Variants in SHROOM3 observed in about 807,000 individuals in gnomAD.
SHROOM3 encodes protein Shroom3.
A neutral mutation model predicts 138.6 loss-of-function variants in SHROOM3; 47 were observed. The observed-to-expected ratio is 0.34, with a 90% CI of 0.27 to 0.43. The LOEUF (loss-of-function observed/expected upper bound fraction) is 0.43, where lower values mean the gene tolerates loss of function less well. Ranked by LOEUF, SHROOM3 falls within the 20% of genes least tolerant of loss-of-function variation. SHROOM3 has a pLI of 1.00. For synonymous variants in SHROOM3, 1,062 were observed against 1,063.3 expected, an observed-to-expected ratio of 1.00 and a Z score of 0.02; for missense variants, 2,491 against 2,596.5, an observed-to-expected ratio of 0.96 and a Z score of 0.88.
At position 76,743,706 on chromosome 4, in the gene SHROOM3, TTC is replaced by T. The variant is rs201201502; in HGVS notation, c.3753+1782_3753+1783del. Among the ~76,000 whole-genome samples, 165 of 152,336 alleles carry T rather than the reference TTC, an allele frequency of 1.1e-3. 3 individuals are homozygous for T. The East Asian group carries it at 0.023, about 21-fold the overall frequency. On this transcript the variant is annotated intron_variant, in intron 5 of 10. Coordinates refer to ENST00000296043, the MANE Select transcript of SHROOM3 (RefSeq NM_020859.4). ...AAAATACCGTCCCCTCCCAGATGTTTTCTGTTTAGAATTGTACAGAAATATTT... is the reference window on the plus strand; with the variant it reads ...AAAATACCGTCCCCTCCCAGATGTTTTGTTTAGAATTGTACAGAAATATTT...
intron 1 of SHROOM3, among the ~76,000 whole-genome samples, chr4:76,450,233 A>T (rs1472067532): frequency 6.6e-6 from 1 of 152,208 alleles, no homozygotes; most frequent in Non-Finnish European, 1.5e-5. Flanking sequence ...GGTTTGTCCT[A>T]TTATGCTGTC....
At chr4:76,733,240 G>T (rs565816509) in intron 4 of SHROOM3, among the ~76,000 whole-genome samples, 17 of 152,278 alleles carry the variant, frequency 1.1e-4, no homozygotes, top group African/African-American at 4.1e-4. Context: ...GGGGAATGGG[G>T]CCGTCAGCAC....
Position 76,772,103 on chromosome 4 carries a change from CTTTTTTTT to C in SHROOM3, c.5622+1216_5622+1223del, listed in dbSNP as rs35590411. ...CTATGCTACCATCTTTTTTCTTTTT[CTTTTTTTT>C]TTTTTTTTTTGAGACAGAGTCTCAC... is the stretch of plus-strand genomic sequence containing the variant. On this transcript the variant is annotated intron_variant, in intron 10 of 10. Coordinates refer to ENST00000296043, the MANE Select transcript of SHROOM3 (RefSeq NM_020859.4). 2.4e-3 allele frequency among the ~76,000 whole-genome samples: 306 copies of C among 125,140 alleles called. 3 individuals carry two copies. The highest frequency in any genetic ancestry group is 8.9e-3 in the African/African-American group (287 of 32,282). The allele number at this position is 125,140 out of a possible 152,430, so 82.1% of individuals were successfully genotyped here.
intron 8 of SHROOM3, 31 bp from the exon 9 acceptor site, chr4:76,759,514 G>A (rs767227216): frequency 5.0e-6 from 8 of 1,613,642 alleles, no homozygotes; most frequent in Middle Eastern, 1.7e-4. Context: ...CGTGATCTGT[G>A]TGGCTATACT....
Position 76,739,451 on chromosome 4 carries a change from A to G in SHROOM3, c.1278A>G (p.Pro426=), listed in dbSNP as rs752580613. The change falls in exon 5 of 11, where the codon CCA becomes CCG. Residue 426 remains proline, a synonymous_variant. Transcript: ENST00000296043. ...ACTCTTTAGGCTCCCTGAAGTCTCC[A>G]TTCATAGAGGAGCAGCTGCATACTG... ...QANSLGSLKS[P]FIEEQLHTVL... is the part of the protein sequence containing the mutation. 1.2e-6 allele frequency: 2 copies of G among 1,614,118 alleles called. No individual in the cohort carries two copies. Among genetic ancestry groups the G allele is most frequent in the Non-Finnish European group, 8.5e-7 (1 of 1,180,020 alleles).
At chr4:76,766,202 A>G (rs1338964954) in intron 9 of SHROOM3, among the ~76,000 whole-genome samples, 1 of 152,258 alleles carries the variant, frequency 6.6e-6, no homozygotes, top group Non-Finnish European at 1.5e-5. Flanking sequence ...ATTGAATAGT[A>G]AAACACTTAA....
In SHROOM3 at chr4:76,651,401, A is replaced by ATATATATAT. The variant is rs1735955382; in HGVS notation, c.324-58755_324-58754insTATATATAT. Among the ~76,000 whole-genome samples the ATATATATAT allele has an allele frequency of 4.0e-4, 35 of 86,752 alleles. 2 individuals are homozygous for ATATATATAT. The highest frequency in any genetic ancestry group is 7.5e-4 in the Non-Finnish European group (31 of 41,170). 56.9% of individuals were successfully genotyped at this position (86,752 alleles called of 152,430 possible). ...ATTAACACATCTCATGTAACCCATA[A>ATATATATAT]ATATATATATATATATATATATATA... On this transcript the variant is annotated intron_variant, in intron 2 of 10. Coordinates refer to ENST00000296043, the MANE Select transcript of SHROOM3 (RefSeq NM_020859.4).
chr4:76,739,657 T>C lies in SHROOM3; in HGVS notation c.1484T>C (p.Leu495Pro). 6.2e-7 allele frequency: 1 copy of C among 1,614,152 alleles called. No homozygotes were observed. Among genetic ancestry groups the C allele is most frequent in the Non-Finnish European group, 8.5e-7 (1 of 1,180,038 alleles). The change falls in exon 5 of 11, where the codon CTG (leucine) becomes CCG (proline). Residue 495 changes from leucine to proline, a missense_variant. Leu to Pro is a moderately conservative substitution (Grantham distance 98). This residue lies in a region of SHROOM3 where 1,733 missense variants were observed against 1,661.6 expected (regional missense o/e 1.04). Coordinates refer to ENST00000296043, the MANE Select transcript of SHROOM3 (RefSeq NM_020859.4). ...AGCAACGGTATGCTCTACCCTGCAC[T>C]GGCCAAGGAGAGTGGATACATAGCC... ...VSSNGMLYPA[L>P]AKESGYIAPQ...
Position 76,740,911 on chromosome 4 carries a change from C to A in SHROOM3, c.2738C>A (p.Ser913Ter). 1 of 1,503,450 alleles carries A rather than the reference C, an allele frequency of 6.7e-7. No individual in the cohort carries two copies. Among genetic ancestry groups the A allele is most frequent in the Non-Finnish European group, 8.9e-7 (1 of 1,129,420 alleles). 93.1% of individuals were successfully genotyped at this position (1,503,450 alleles called of 1,614,324 possible). ...CGGGACAGGCCCGGCTCGCCCGAAT[C>A]GCCCCTGCTGGATGCCCCCTTCAGC... ...EWRDRPGSPE[S>*]PLLDAPFSRA... is the part of the protein sequence containing the mutation. The change falls in exon 5 of 11, where the codon TCG (serine) becomes TAG (stop). Residue 913 changes from serine (S) to a stop codon, truncating the protein, a stop_gained. Coordinates refer to ENST00000296043, the MANE Select transcript of SHROOM3 (RefSeq NM_020859.4). LOFTEE classifies it high-confidence loss of function. The surrounding 1 kb of genome is among the most constrained non-coding windows in gnomAD (Gnocchi z 4.0).
intron 1 of SHROOM3, among the ~76,000 whole-genome samples, chr4:76,452,730 T>G (rs1730949826): frequency 6.6e-6 from 1 of 152,206 alleles, no homozygotes; most frequent in African/African-American, 2.4e-5. Context: ...TATGTTTTTG[T>G]TTTTGAGACA....
At chr4:76,647,899 AAAT>A (rs890328954) in intron 2 of SHROOM3, among the ~76,000 whole-genome samples, 9 of 152,032 alleles carry the variant, frequency 5.9e-5, no homozygotes, top group African/African-American at 1.9e-4. Flanking sequence ...ACTCTGTCTC[AAAT>A]AATAATAATA....
intron 1 of SHROOM3, among the ~76,000 whole-genome samples, chr4:76,542,257 C>G (rs1427580755): frequency 6.6e-6 from 1 of 152,188 alleles, no homozygotes; most frequent in Admixed American, 6.5e-5. Flanking sequence ...TTCCCTGTTT[C>G]TCTGGAAAAT....
chr4:76,630,346 G>A (rs1735279539), intron 2 of SHROOM3, among the ~76,000 whole-genome samples: 1 of 152,204 alleles, frequency 6.6e-6, no homozygotes. Flanking sequence ...ATTAGATGGA[G>A]CAGGAAAGGT....
At chr4:76,549,761 G>A (rs998029373) in intron 1 of SHROOM3, among the ~76,000 whole-genome samples, 5 of 152,194 alleles carry the variant, frequency 3.3e-5, no homozygotes, top group African/African-American at 1.2e-4. Context: ...GAAAGGTCAG[G>A]AAAGGGCCAG....
At chr4:76,694,364 T>C (rs1411420039) in intron 2 of SHROOM3, among the ~76,000 whole-genome samples, 5 of 79,240 alleles carry the variant, frequency 6.3e-5, no homozygotes, top group Non-Finnish European at 1.1e-4. Context: ...TCTTTTTGTT[T>C]GTTTTTTTTT....
chr4:76,565,026 T>G (rs1186962139), intron 2 of SHROOM3, among the ~76,000 whole-genome samples: 1 of 151,584 alleles, frequency 6.6e-6, no homozygotes. Context: ...CCGGGTGTGG[T>G]GGTGGGTGCC....
intron 2 of SHROOM3, among the ~76,000 whole-genome samples, chr4:76,671,204 G>T (rs1355190473): frequency 2.0e-5 from 3 of 152,120 alleles, no homozygotes; most frequent in Non-Finnish European, 4.4e-5. Context: ...GGCAATAGAG[G>T]GGCCAGCATC....
Position 76,739,281 on chromosome 4 carries a change from G to A in SHROOM3, c.1108G>A (p.Glu370Lys), listed in dbSNP as rs1246060826. Residue 370 changes from glutamate (E) to lysine (K), a missense_variant, in exon 5 of 11, where the codon GAG becomes AAG. Glu to Lys is a moderately conservative substitution (Grantham distance 56). Coordinates refer to ENST00000296043, the MANE Select transcript of SHROOM3 (RefSeq NM_020859.4). ...GAGCCAGCAGTGCCCCAGTTCCTTG[G>A]AGACTGCCACGGACAACCTTCCTCC... ...SWSQQCPSSL[E>K]TATDNLPPKV... 1 of 1,613,904 alleles carries A rather than the reference G, an allele frequency of 6.2e-7. No homozygotes were observed. Among genetic ancestry groups the A allele is most frequent in the East Asian group, 2.2e-5 (1 of 44,888 alleles).
chr4:76,745,035 C>CT (rs751722241), intron 5 of SHROOM3, among the ~76,000 whole-genome samples: 1 of 152,218 alleles, frequency 6.6e-6, no homozygotes, highest in Non-Finnish European at 1.5e-5. Flanking sequence ...GGTCTGGCCT[C>CT]TCCTCAGCCA....
Sources: gnomAD v4.1 joint callset for allele counts (sites outside exome capture counted in the v4.1 genomes callset) on GRCh38, gnomAD v4.1.1 for gene constraint, gnomAD v4.1.1 regional missense constraint, Gnocchi (gnomAD v3.1) non-coding constraint, MANE v1.5 for transcripts, NCBI Gene and HGNC (gene_info 2026-07-23, HGNC 2026-07-21) for gene names.